Variants in YAP1 observed in about 807,000 individuals in gnomAD.
The protein encoded by YAP1 is transcriptional coactivator YAP1.
Under a neutral mutation model 56.9 loss-of-function variants are expected in YAP1, and 5 were observed. The ratio of observed to expected loss-of-function variants is 0.09; its 90% CI spans 0.05 to 0.18. The LOEUF is 0.18. Among genes scored for constraint, YAP1 ranks in the 10% least tolerant of loss-of-function variants. The pLI, the probability that YAP1 is intolerant of heterozygous loss-of-function variation, is 1.00. For synonymous variants in YAP1, 265 were observed against 248.1 expected (o/e 1.07, Z -0.64); for missense variants, 539 against 651.8 (o/e 0.83, Z 1.88).
At chr11:102,208,898 G>A (rs1274024156) in intron 5 of YAP1, among the ~76,000 whole-genome samples, 1 of 152,092 alleles carries the variant, frequency 6.6e-6, no homozygotes, top group Non-Finnish European at 1.5e-5. Flanking sequence ...TTTTTGGTGG[G>A]CAAATGCTGC....
chr11:102,168,987 T>G (rs1946751146), intron 3 of YAP1, among the ~76,000 whole-genome samples: 2 of 152,212 alleles, frequency 1.3e-5, no homozygotes, highest in African/African-American at 4.8e-5. Context: ...TTCAGAAACT[T>G]TAAAGTTTTA....
chr11:102,177,594 T>C (rs1287913147), intron 3 of YAP1, among the ~76,000 whole-genome samples: 1 of 151,480 alleles, frequency 6.6e-6, no homozygotes, highest in Non-Finnish European at 1.5e-5. Context: ...GGAGAATCGC[T>C]TGAACCCAGC....
chr11:102,167,560 C>CCG (rs1188224370), intron 3 of YAP1, among the ~76,000 whole-genome samples: 1 of 152,084 alleles, frequency 6.6e-6, no homozygotes, highest in Non-Finnish European at 1.5e-5. Flanking sequence ...TGGTGAAACC[C>CCG]CGTCTCCACT....
rs1935083351 is a variant in YAP1, at chr11:102,161,061, T to A, written c.573-1395T>A. The stretch of plus-strand genomic sequence containing the variant: ...TCACCAATAATTTCTTTCTTTTTTT[T>A]TTTTTTTTTTTTTTTTTGAGATGGA... On this transcript the variant is annotated intron_variant, in intron 2 of 8. Transcript: ENST00000282441. Among the ~76,000 whole-genome samples, 4 of 131,686 alleles carry A rather than the reference T, an allele frequency of 3.0e-5. No homozygotes were observed. The South Asian group carries it at 1.0e-3, about 34-fold the overall frequency. 86.4% of individuals were successfully genotyped at this position (131,686 alleles called of 152,430 possible). A position where few individuals can be genotyped will look rare whatever the true frequency, so the allele number is the denominator to read the frequency against.
In YAP1 at chr11:102,111,328, C is replaced by G. The variant is rs373459282; in HGVS notation, c.321+159C>G. ...GGCGAAGTGGAACTGGAGTCGTCCA[C>G]TCCGCCGCGGTGACCAGCTCCCCAC... On this transcript the variant is annotated intron_variant, in intron 1 of 8. Coordinates refer to ENST00000282441, the MANE Select transcript of YAP1 (RefSeq NM_001130145.3). Among the ~76,000 whole-genome samples the G allele has an allele frequency of 6.6e-4, 101 of 152,222 alleles. 1 individual carries two copies. In the East Asian group the frequency reaches 0.01, roughly 16 times the overall value.
chr11:102,144,344 G>A (rs942224672), intron 2 of YAP1, among the ~76,000 whole-genome samples: 2 of 151,990 alleles, frequency 1.3e-5, no homozygotes, highest in African/African-American at 4.8e-5. Context: ...ATATTCAATT[G>A]TATTATTTAA....
intron 2 of YAP1, among the ~76,000 whole-genome samples, chr11:102,144,856 A>C (rs1459916150): frequency 1.1e-5 from 1 of 90,150 alleles, no homozygotes; most frequent in Admixed American, 1.0e-4. Flanking sequence ...TTTGGCCAAA[A>C]CACACACACA....
intron 2 of YAP1, among the ~76,000 whole-genome samples, chr11:102,122,878 A>G (rs1361890706): frequency 1.5e-5 from 2 of 132,230 alleles, no homozygotes; most frequent in Non-Finnish European, 3.1e-5. Context: ...CCTGGGGGAC[A>G]AGAGCGAGAC....
At chr11:102,223,584 T>C (rs1223345072) in intron 6 of YAP1, 38 bp from the exon 7 acceptor site, 2 of 1,604,950 alleles carry the variant, frequency 1.2e-6, no homozygotes, top group Admixed American at 3.4e-5. Flanking sequence ...AATGTGTTAA[T>C]CAGTAGATTG....
chr11:102,215,796 GC>G (rs1949632652), intron 6 of YAP1, among the ~76,000 whole-genome samples: 1 of 152,112 alleles, frequency 6.6e-6, no homozygotes, highest in Non-Finnish European at 1.5e-5. Context: ...ATTTTTATAT[GC>G]AACGAACATA....
intron 3 of YAP1, among the ~76,000 whole-genome samples, chr11:102,168,838 A>G (rs1214583974): frequency 6.6e-6 from 1 of 152,206 alleles, no homozygotes; most frequent in Non-Finnish European, 1.5e-5. Flanking sequence ...TAGAAAATAG[A>G]TGTGAAATAT....
chr11:102,232,723 AT>A lies in YAP1; in HGVS notation c.*2787del, dbSNP rs1342450328. 2.0e-5 allele frequency: 3 copies of A among 152,742 alleles called. No homozygotes were observed. The highest frequency in any genetic ancestry group is 7.2e-5 in the African/African-American group (3 of 41,564). 9.5% of individuals were successfully genotyped at this position (152,742 alleles called of 1,614,324 possible). A position where few individuals can be genotyped will look rare whatever the true frequency, so the allele number is the denominator to read the frequency against. On this transcript the variant is annotated 3_prime_UTR_variant, in exon 9 of 9. Transcript: ENST00000282441. ...CTTGAATTGCTTTTACAATAAACCA[AT>A]TTTATAATCTTTAAATTTATCAACT...
intron 2 of YAP1, among the ~76,000 whole-genome samples, chr11:102,128,235 T>C (rs1278323329): frequency 6.6e-6 from 1 of 152,190 alleles, no homozygotes; most frequent in African/African-American, 2.4e-5. Context: ...GTGTCCCCAC[T>C]GAAATCTCAA....
intron 1 of YAP1, among the ~76,000 whole-genome samples, chr11:102,112,907 G>C (rs1477806341): frequency 2.6e-5 from 4 of 152,034 alleles, no homozygotes; most frequent in African/African-American, 9.7e-5. Context: ...ATTACAACTG[G>C]GAAGTGTACT....
intron 4 of YAP1, chr11:102,186,813 A>AGTGT (rs1420505732): frequency 2.2e-3 from 102 of 47,178 alleles, no homozygotes; most frequent in African/African-American, 4.7e-3. Flanking sequence ...CTTTTTAAAA[A>AGTGT]ATGTGTGTGT....
intron 1 of YAP1, among the ~76,000 whole-genome samples, chr11:102,113,468 G>T (rs533588821): frequency 6.6e-6 from 1 of 152,304 alleles, no homozygotes; most frequent in East Asian, 1.9e-4. Flanking sequence ...TTGTGGATGT[G>T]TGTGAGTTCT....
At chr11:102,121,501 T>A (rs1312850693) in intron 2 of YAP1, among the ~76,000 whole-genome samples, 1 of 151,912 alleles carries the variant, frequency 6.6e-6, no homozygotes, top group Non-Finnish European at 1.5e-5. Context: ...GTGTTCTGAG[T>A]AGCGTGATGC....
intron 2 of YAP1, among the ~76,000 whole-genome samples, chr11:102,137,250 A>G (rs1433577339): frequency 2.6e-5 from 4 of 152,226 alleles, no homozygotes; most frequent in Admixed American, 2.6e-4. Flanking sequence ...TCTTATCTAT[A>G]AAATAAGTGG....
At chr11:102,155,494 G>A (rs185689364) in intron 2 of YAP1, among the ~76,000 whole-genome samples, 12 of 152,332 alleles carry the variant, frequency 7.9e-5, no homozygotes, top group Admixed American at 7.8e-4. Flanking sequence ...TTAAAAGTAA[G>A]TGGTAAAGAA....
Sources: gnomAD v4.1 joint callset for allele counts (sites outside exome capture counted in the v4.1 genomes callset) on GRCh38, gnomAD v4.1.1 for gene constraint, MANE v1.5 for transcripts, NCBI Gene and HGNC (gene_info 2026-07-23, HGNC 2026-07-21) for gene names.